FUT8: variants seen among roughly 807,000 people sequenced by gnomAD.
FUT8 encodes the protein fucosyltransferase 8, also known as alpha-(1,6)-fucosyltransferase.
In FUT8, 29 loss-of-function variants were observed where a neutral mutation model predicts 71.3. The observed-to-expected ratio is 0.41, with a 90% CI of 0.30 to 0.55. The LOEUF (loss-of-function observed/expected upper bound fraction) is 0.55. FUT8 is among the 20% of genes least tolerant of loss of function. FUT8 has a pLI of 0.34. For missense variants in FUT8, 544 were observed against 702.1 expected (o/e 0.77, Z 2.55); for synonymous variants, 254 against 239.3 (o/e 1.06, Z -0.57).
chr14:65,378,341 AG>A, the FUT8 span, among the ~76,000 whole-genome samples: 18 of 152,148 alleles, frequency 1.2e-4, no homozygotes, highest in Non-Finnish European at 2.6e-4. Context: ...GTGGGTAAAA[AG>A]GTTAAGTAGG....
intron 2 of FUT8, among the ~76,000 whole-genome samples, chr14:65,458,807 T>TG (rs2065931978): frequency 1.3e-5 from 2 of 150,120 alleles, no homozygotes; most frequent in African/African-American, 4.9e-5. Context: ...TTTTTTTTTT[T>TG]GAGACAAGAA....
chr14:65,460,077 A>G (rs1339465988), intron 2 of FUT8, among the ~76,000 whole-genome samples: 2 of 152,166 alleles, frequency 1.3e-5, no homozygotes, highest in South Asian at 2.1e-4. Context: ...TTTTTGCTCT[A>G]TATGTTTTCT....
At position 65,464,259 on chromosome 14, in the gene FUT8, G is replaced by GTTTT. The variant is rs3084724; in HGVS notation, c.-228+8558_-228+8561dup. Among the ~76,000 whole-genome samples the GTTTT allele has an allele frequency of 5.4e-3, 631 of 116,496 alleles. 28 individuals are homozygous for GTTTT. The East Asian group carries it at 0.079, about 15-fold the overall frequency. The allele number at this position is 116,496 out of a possible 152,430, so 76.4% of individuals were successfully genotyped here. A position where few individuals can be genotyped will look rare whatever the true frequency, so the allele number is the denominator to read the frequency against. On this transcript the variant is annotated intron_variant, in intron 2 of 10. Coordinates refer to ENST00000673929, the MANE Select transcript of FUT8 (RefSeq NM_001371533.1). ...AGGAGTTTGTTGGTCAGTACTTTGG[G>GTTTT]TTTTTTTTTTTTTTTTTTTTACATA...
intron 2 of FUT8, 99 bp from the exon 3 acceptor site, chr14:65,561,238 G>C (rs769116592): frequency 8.5e-6 from 2 of 234,538 alleles, no homozygotes; most frequent in Non-Finnish European, 8.4e-6. Context: ...CTTCCAACTT[G>C]TTGGCCAGTC....
chr14:65,629,040 T>C (rs1031918785), intron 5 of FUT8, among the ~76,000 whole-genome samples: 1 of 152,198 alleles, frequency 6.6e-6, no homozygotes, highest in Non-Finnish European at 1.5e-5. Context: ...GTGTAAAAAT[T>C]TTCCTCTGAT....
At chr14:65,733,669 G>C (rs1040683846) in intron 10 of FUT8, among the ~76,000 whole-genome samples, 2 of 152,150 alleles carry the variant, frequency 1.3e-5, no homozygotes, top group Non-Finnish European at 1.5e-5. Flanking sequence ...GCATTTAACA[G>C]AAACAACAAG....
At chr14:65,377,415 A>T in the FUT8 span, among the ~76,000 whole-genome samples, 1 of 152,234 alleles carries the variant, frequency 6.6e-6, no homozygotes, top group African/African-American at 2.4e-5. Context: ...AAAAAATTTA[A>T]AAAAACCCAA....
chr14:65,422,841 A>G (rs1304240855), intron 1 of FUT8, among the ~76,000 whole-genome samples: 2 of 151,818 alleles, frequency 1.3e-5, no homozygotes, highest in Non-Finnish European at 2.9e-5. Context: ...TTGTAGAGGC[A>G]GGGTCTCGCT....
At chr14:65,706,019 C>T (rs554975594) in intron 7 of FUT8, among the ~76,000 whole-genome samples, 6 of 152,224 alleles carry the variant, frequency 3.9e-5, no homozygotes, top group Admixed American at 1.3e-4. Context: ...AGAATCGTCC[C>T]CAAAATAAAG....
At chr14:65,433,785 CTT>C (rs2065511462) in intron 1 of FUT8, among the ~76,000 whole-genome samples, 1 of 98,268 alleles carries the variant, frequency 1.0e-5, no homozygotes, top group Non-Finnish European at 2.0e-5. Flanking sequence ...TCTTCTGTCT[CTT>C]CTCTCTCTCT....
At chr14:65,442,517 A>C (rs2065676242) in intron 1 of FUT8, among the ~76,000 whole-genome samples, 1 of 136,586 alleles carries the variant, frequency 7.3e-6, no homozygotes, top group Non-Finnish European at 1.7e-5. Context: ...TGACCATCAT[A>C]AATACATACA....
intron 2 of FUT8, among the ~76,000 whole-genome samples, chr14:65,475,214 AG>A (rs1379267041): frequency 1.3e-5 from 2 of 152,224 alleles, no homozygotes; most frequent in African/African-American, 2.4e-5. Context: ...ACAATTTAGA[AG>A]GTCAACTAGA....
intron 2 of FUT8, among the ~76,000 whole-genome samples, chr14:65,480,182 A>G (rs2066308082): frequency 1.3e-5 from 2 of 151,804 alleles, no homozygotes; most frequent in Admixed American, 1.3e-4. Flanking sequence ...TAGGAGCTTT[A>G]GAAGTGCTTA....
intron 2 of FUT8, among the ~76,000 whole-genome samples, chr14:65,548,324 A>G (rs949734834): frequency 7.2e-5 from 11 of 152,102 alleles, no homozygotes; most frequent in African/African-American, 2.4e-4. Flanking sequence ...TAAATGAAGC[A>G]CACAATATGT....
At chr14:65,372,712 C>T in the FUT8 span, among the ~76,000 whole-genome samples, 3 of 152,314 alleles carry the variant, frequency 2.0e-5, no homozygotes, top group South Asian at 2.1e-4. Flanking sequence ...CCACTGTGCC[C>T]GGCCTCCTTC....
At chr14:65,383,384 C>T in the FUT8 span, among the ~76,000 whole-genome samples, 66 of 149,886 alleles carry the variant, frequency 4.4e-4, no homozygotes, top group African/African-American at 1.4e-3. Context: ...AAGCGATTCT[C>T]CTGCCTCAGC....
intron 2 of FUT8, among the ~76,000 whole-genome samples, chr14:65,519,691 C>G (rs111982361): frequency 6.6e-6 from 1 of 152,148 alleles, no homozygotes; most frequent in African/African-American, 2.4e-5. Context: ...TTAAAGAATT[C>G]TGCATTTTCT....
intron 2 of FUT8, among the ~76,000 whole-genome samples, chr14:65,462,945 C>T (rs1372409183): frequency 6.6e-6 from 1 of 152,206 alleles, no homozygotes; most frequent in Non-Finnish European, 1.5e-5. Flanking sequence ...TGTCTCACCA[C>T]TTAACTTAAG....
intron 2 of FUT8, among the ~76,000 whole-genome samples, chr14:65,531,647 A>G (rs1054939873): frequency 6.6e-6 from 1 of 152,180 alleles, no homozygotes; most frequent in Non-Finnish European, 1.5e-5. Context: ...GTTCAGAGGT[A>G]TCTGTACAGG....
Sources: gnomAD v4.1 joint callset for allele counts (sites outside exome capture counted in the v4.1 genomes callset) on GRCh38, gnomAD v4.1.1 for gene constraint, MANE v1.5 for transcripts, NCBI Gene and HGNC (gene_info 2026-07-23, HGNC 2026-07-21) for gene names.